TMEM39B: variants seen among roughly 807,000 people sequenced by gnomAD.
TMEM39B encodes transmembrane protein 39B.
TMEM39B carries 23 observed loss-of-function variants against 52.2 expected under a neutral mutation model. That is an observed-to-expected ratio of 0.44 (90% CI 0.32 to 0.62). The LOEUF (loss-of-function observed/expected upper bound fraction) is 0.62. TMEM39B is among the 20% of genes least tolerant of loss of function. The pLI is 0.06. For synonymous variants in TMEM39B, 285 were observed against 264.0 expected, an observed-to-expected ratio of 1.08 and a Z score of -0.77; for missense variants, 547 against 642.0, an observed-to-expected ratio of 0.85 and a Z score of 1.60.
chr1:32,073,991 C>G, intron 1 of TMEM39B: 1 of 716,312 alleles, frequency 1.4e-6, no homozygotes, highest in African/African-American at 1.9e-5. Context: ...TCAAGCGATC[C>G]TCCCGCCTCG....
intron 1 of TMEM39B, among the ~76,000 whole-genome samples, chr1:32,074,098 C>T (rs750777121): frequency 6.6e-6 from 1 of 152,050 alleles, no homozygotes; most frequent in Admixed American, 6.6e-5. Context: ...AACTTTTGTG[C>T]GAAGTGGTGC....
intron 5 of TMEM39B, among the ~76,000 whole-genome samples, chr1:32,078,595 G>A (rs1200421396): frequency 2.0e-5 from 3 of 152,128 alleles, no homozygotes; most frequent in African/African-American, 7.2e-5. Flanking sequence ...TCCATTACTG[G>A]CAGCAATTTT....
intron 6 of TMEM39B, among the ~76,000 whole-genome samples, chr1:32,093,230 C>G (rs1640677056): frequency 6.6e-6 from 1 of 151,576 alleles, no homozygotes; most frequent in East Asian, 1.9e-4. Flanking sequence ...TCCCAAGTAG[C>G]TGGGATTACA....
chr1:32,077,009 G>A (rs1308344294), intron 4 of TMEM39B, among the ~76,000 whole-genome samples, 155 bp from the exon 5 acceptor site: 4 of 152,160 alleles, frequency 2.6e-5, no homozygotes, highest in Non-Finnish European at 5.9e-5. Flanking sequence ...AGTTTACTGG[G>A]CATCAAAGAG....
Position 32,093,927 on chromosome 1 carries a change from T to G in TMEM39B, c.928-857T>G, listed in dbSNP as rs181856756. Among the ~76,000 whole-genome samples the G allele has an allele frequency of 7.7e-3, 1,168 of 151,840 alleles. 11 individuals carry two copies. The highest frequency in any genetic ancestry group is 0.026 in the African/African-American group (1,075 of 41,404). On this transcript the variant is annotated intron_variant, in intron 6 of 8. Transcript: ENST00000336294. Reference sequence around the variant, plus strand: ...TCCGCCTCCCGGGTTCACGCCATTCTTCTGCGTCAGCCTCCTGAGTAGCTG... The same window carrying G: ...TCCGCCTCCCGGGTTCACGCCATTCGTCTGCGTCAGCCTCCTGAGTAGCTG...
intron 5 of TMEM39B, 98 bp downstream of exon 5, chr1:32,077,416 C>T (rs1273523204): frequency 1.3e-5 from 18 of 1,420,444 alleles, no homozygotes; most frequent in South Asian, 2.5e-5. Flanking sequence ...TCTGGAAGAT[C>T]GGAGGCAGGC....
In TMEM39B at chr1:32,094,985, C is replaced by T; in HGVS notation, c.1115+14C>T. 1 of 1,610,622 alleles carries T rather than the reference C, an allele frequency of 6.2e-7. No homozygotes were observed. Among genetic ancestry groups the T allele is most frequent in the South Asian group, 1.1e-5 (1 of 91,016 alleles). On this transcript the variant is annotated intron_variant, in intron 7 of 8. Transcript: ENST00000336294. ...GCTGCAGCACCCGTGAGTCACCCTA[C>T]CCTGCTCAACCCAATCCCAGCCCTT...
In TMEM39B at chr1:32,097,410, A is replaced by G. The variant is rs553673057; in HGVS notation, c.1115+2439A>G. 6.0e-5 allele frequency among the ~76,000 whole-genome samples: 9 copies of G among 150,994 alleles called. No individual in the cohort carries two copies. In the South Asian group the frequency reaches 1.9e-3, roughly 32 times the overall value. On this transcript the variant is annotated intron_variant, in intron 7 of 8. Transcript: ENST00000336294. ...CAGTGGCGCGATCTTGGCTCAGTGC[A>G]ATTTCCGCCTCCCAGGTTCAAGCAG...
intron 5 of TMEM39B, among the ~76,000 whole-genome samples, chr1:32,082,352 T>G (rs944597201): frequency 6.6e-6 from 1 of 152,194 alleles, no homozygotes; most frequent in Non-Finnish European, 1.5e-5. Flanking sequence ...TATAATTATG[T>G]GTATGAAAAT....
chr1:32,072,261 G>A (rs1370870778), upstream of TMEM39B: 3 of 150,358 alleles, frequency 2.0e-5, no homozygotes, highest in Non-Finnish European at 3.0e-5. Flanking sequence ...AGCTCATTTA[G>A]TCAATGCTTC....
At chr1:32,082,328 G>C (rs1194916160) in intron 5 of TMEM39B, among the ~76,000 whole-genome samples, 1 of 152,048 alleles carries the variant, frequency 6.6e-6, no homozygotes, top group African/African-American at 2.4e-5. Context: ...TTAAAAACCA[G>C]TATGTGGCTT....
At chr1:32,092,058 C>T (rs1412252084) in intron 6 of TMEM39B, 47 bp downstream of exon 6, 2 of 1,556,866 alleles carry the variant, frequency 1.3e-6, no homozygotes, top group East Asian at 2.3e-5. Flanking sequence ...TGGGACTTTA[C>T]CCTGCTGCCT....
intron 4 of TMEM39B, 104 bp from the exon 5 acceptor site, chr1:32,077,060 A>G: frequency 1.3e-6 from 2 of 1,509,132 alleles, no homozygotes; most frequent in Admixed American, 1.8e-5. Context: ...CTGCTGTGCC[A>G]CCTCTCCCTG....
chr1:32,096,916 C>T (rs1315144508), intron 7 of TMEM39B, among the ~76,000 whole-genome samples: 1 of 151,914 alleles, frequency 6.6e-6, no homozygotes, highest in Non-Finnish European at 1.5e-5. Flanking sequence ...GTGATCCTCC[C>T]ACCTCAGCTC....
At chr1:32,088,310 G>A (rs527352681) in intron 5 of TMEM39B, among the ~76,000 whole-genome samples, 123 of 134,094 alleles carry the variant, frequency 9.2e-4, no homozygotes, top group East Asian at 3.4e-3. Context: ...CCAGCTACTC[G>A]GGAGGCTGAG....
intron 7 of TMEM39B, among the ~76,000 whole-genome samples, chr1:32,096,591 G>A (rs952932630): frequency 1.6e-4 from 24 of 150,644 alleles, no homozygotes; most frequent in African/African-American, 5.1e-4. Context: ...CTCCCAAGTA[G>A]CTGGGATTAC....
At chr1:32,074,361 C>T (rs1639764084) in intron 1 of TMEM39B, among the ~76,000 whole-genome samples, 1 of 152,044 alleles carries the variant, frequency 6.6e-6, no homozygotes, top group Non-Finnish European at 1.5e-5. Flanking sequence ...AGCACACGAC[C>T]CAGCCACGAT....
intron 5 of TMEM39B, among the ~76,000 whole-genome samples, chr1:32,084,011 A>G (rs1221706454): frequency 1.3e-5 from 2 of 152,148 alleles, no homozygotes; most frequent in African/African-American, 2.4e-5. Flanking sequence ...ACACACACAC[A>G]CAAATGTTCC....
chr1:32,075,929 C>G, intron 3 of TMEM39B, 107 bp downstream of exon 3: 1 of 733,890 alleles, frequency 1.4e-6, no homozygotes, highest in South Asian at 1.9e-5. Context: ...CTAAGCACCA[C>G]TGTGCACTTG....
Sources: allele counts gnomAD v4.1 joint callset (sites outside exome capture counted in the v4.1 genomes callset), GRCh38; gene constraint gnomAD v4.1.1; transcripts MANE v1.5; gene names NCBI Gene and HGNC (gene_info 2026-07-23, HGNC 2026-07-21).